PTPRN2: variants seen among roughly 807,000 people sequenced by gnomAD.
The protein encoded by PTPRN2 is receptor-type tyrosine-protein phosphatase N2.
In PTPRN2, 74 loss-of-function variants were observed where a neutral mutation model predicts 118.8. The observed-to-expected ratio is 0.62, with a 90% CI of 0.52 to 0.76. PTPRN2 has a LOEUF of 0.76. Among genes scored for constraint, PTPRN2 ranks in the 30% least tolerant of loss-of-function variants. PTPRN2 has a pLI of 0.00. For missense variants in PTPRN2, 1,481 were observed against 1,394.4 expected (o/e 1.06, Z -0.99); for synonymous variants, 641 against 608.0 (o/e 1.05, Z -0.80).
intron 12 of PTPRN2, among the ~76,000 whole-genome samples, chr7:157,730,188 G>GCC (rs60143150): frequency 0.042 from 6,326 of 150,582 alleles, 247 homozygotes; most frequent in East Asian, 0.14. Context: ...CACCACCCCT[G>GCC]CCCCCCCCCG....
intron 11 of PTPRN2, among the ~76,000 whole-genome samples, chr7:157,981,291 A>G (rs1031131407): frequency 1.1e-4 from 17 of 151,356 alleles, no homozygotes; most frequent in Non-Finnish European, 2.5e-4. Flanking sequence ...AGGCTTCCAT[A>G]GTCGGTGATG....
chr7:157,917,294 C>T (rs1000680749), intron 11 of PTPRN2, among the ~76,000 whole-genome samples: 19 of 152,242 alleles, frequency 1.2e-4, no homozygotes, highest in South Asian at 6.2e-4. Context: ...CAGCCTGCAA[C>T]GCAGAAGTGC....
chr7:158,326,577 C>G (rs934058306), intron 2 of PTPRN2, among the ~76,000 whole-genome samples: 1 of 152,204 alleles, frequency 6.6e-6, no homozygotes, highest in Non-Finnish European at 1.5e-5. Flanking sequence ...CTCACATACA[C>G]GTCCTCACAC....
chr7:157,961,007 AAAAACAAAAAC>A (rs1216302482), intron 11 of PTPRN2, among the ~76,000 whole-genome samples: 1 of 152,212 alleles, frequency 6.6e-6, no homozygotes, highest in Non-Finnish European at 1.5e-5. Flanking sequence ...ACTCCGTCTC[AAAAACAAAAAC>A]AAAACAAAAC....
chr7:158,213,470 C>T (rs1174566710), intron 3 of PTPRN2, among the ~76,000 whole-genome samples: 1 of 152,116 alleles, frequency 6.6e-6, no homozygotes, highest in African/African-American at 2.4e-5. Flanking sequence ...TAGGAAAATT[C>T]ACCATTAGGA....
intron 2 of PTPRN2, among the ~76,000 whole-genome samples, chr7:158,326,982 TAC>T (rs1049425937): frequency 9.5e-5 from 13 of 136,658 alleles, no homozygotes; most frequent in African/African-American, 3.3e-4. Flanking sequence ...CACATGCACA[TAC>T]ACATTCTCAG....
intron 11 of PTPRN2, among the ~76,000 whole-genome samples, chr7:158,067,327 T>C (rs1196549378): frequency 2.6e-5 from 4 of 152,238 alleles, no homozygotes; most frequent in Admixed American, 1.3e-4. Context: ...AGGCATTTGC[T>C]GAGTGTCTAC....
At chr7:158,018,966 C>CAAAAAAAAAAAAAAAAAAAAAAAAA (rs753498681) in intron 11 of PTPRN2, among the ~76,000 whole-genome samples, 1 of 65,826 alleles carries the variant, frequency 1.5e-5, no homozygotes, top group Non-Finnish European at 3.1e-5. Flanking sequence ...GTTTCAAAAA[C>CAAAAAAAAAAAAAAAAAAAAAAAAA]AAAAAAAAAA....
chr7:158,291,187 C>T (rs1800098882), intron 3 of PTPRN2, among the ~76,000 whole-genome samples: 1 of 152,210 alleles, frequency 6.6e-6, no homozygotes, highest in Non-Finnish European at 1.5e-5. Context: ...TCAAAATGTA[C>T]TCACCAGGAT....
chr7:158,461,644 G>A (rs1818997261), intron 2 of PTPRN2, among the ~76,000 whole-genome samples: 1 of 151,980 alleles, frequency 6.6e-6, no homozygotes, highest in Admixed American at 6.6e-5. Flanking sequence ...CTGTAGCCTC[G>A]GGGCTGTCTC....
chr7:157,723,126 G>C (rs1323623767), intron 12 of PTPRN2, among the ~76,000 whole-genome samples: 1 of 152,240 alleles, frequency 6.6e-6, no homozygotes, highest in Non-Finnish European at 1.5e-5. Flanking sequence ...CTCCTTCAAA[G>C]AGGAACTCAC....
At chr7:157,989,687 G>A (rs1223396392) in intron 11 of PTPRN2, among the ~76,000 whole-genome samples, 2 of 152,042 alleles carry the variant, frequency 1.3e-5, no homozygotes, top group African/African-American at 4.8e-5. Context: ...AGGCAGCGGG[G>A]GCGGGTGCCA....
chr7:157,964,034 AT>A lies in PTPRN2; in HGVS notation c.1724-65298del, dbSNP rs201773013. Among the ~76,000 whole-genome samples, 23 of 152,116 alleles carry A rather than the reference AT, an allele frequency of 1.5e-4. No homozygotes were observed. In the East Asian group the frequency reaches 1.7e-3, roughly 12 times the overall value. On this transcript the variant is annotated intron_variant, in intron 11 of 22. Coordinates refer to ENST00000389418, the MANE Select transcript of PTPRN2 (RefSeq NM_002847.5). This position sits in a 1 kb window ranked among gnomAD's most constrained non-coding sequence, Gnocchi z 9.0. ...TTTGCCCTGTTCAAGTTCAAGCAGT[AT>A]TTTTTTTAATAAAGATTATTCCCAA...
At chr7:158,430,339 C>G (rs1240885564) in intron 2 of PTPRN2, among the ~76,000 whole-genome samples, 1 of 152,344 alleles carries the variant, frequency 6.6e-6, no homozygotes, top group East Asian at 1.9e-4. Context: ...AGCCTGCTGG[C>G]GCTCACAGGC....
At chr7:157,939,144 C>A (rs927439061) in intron 11 of PTPRN2, among the ~76,000 whole-genome samples, 2 of 151,990 alleles carry the variant, frequency 1.3e-5, no homozygotes, top group African/African-American at 4.8e-5. Context: ...GCACGCAGGT[C>A]CCCACCTCAA....
chr7:158,045,097 C>A (rs1361220268), intron 11 of PTPRN2, among the ~76,000 whole-genome samples: 1 of 152,196 alleles, frequency 6.6e-6, no homozygotes, highest in Non-Finnish European at 1.5e-5. Context: ...ATGATATTGA[C>A]CCCTGAATTG....
chr7:157,969,402 G>C (rs1376613727), intron 11 of PTPRN2, among the ~76,000 whole-genome samples: 1 of 152,178 alleles, frequency 6.6e-6, no homozygotes, highest in Non-Finnish European at 1.5e-5. Flanking sequence ...GAGCCACTGT[G>C]CCTGGCTGCC....
chr7:158,506,130 G>A (rs752826267), intron 1 of PTPRN2, among the ~76,000 whole-genome samples: 3 of 152,234 alleles, frequency 2.0e-5, no homozygotes, highest in Non-Finnish European at 4.4e-5. Context: ...AGCTGGGAGA[G>A]GGCGAGTTCT....
chr7:158,171,127 C>T (rs201372430), intron 5 of PTPRN2, among the ~76,000 whole-genome samples: 666 of 49,486 alleles, frequency 0.013, 29 homozygotes, highest in Admixed American at 0.023. Context: ...CACATATATA[C>T]ACATATATAC....
Sources: allele counts gnomAD v4.1 joint callset (sites outside exome capture counted in the v4.1 genomes callset), GRCh38; gene constraint gnomAD v4.1.1; non-coding constraint Gnocchi (gnomAD v3.1); transcripts MANE v1.5; gene names NCBI Gene and HGNC (gene_info 2026-07-23, HGNC 2026-07-21).